The following KDM5A variants were observed in gnomAD, a reference collection of about 807,000 sequenced individuals.
The protein encoded by KDM5A is lysine-specific demethylase 5A.
Under a neutral mutation model 193.5 loss-of-function variants are expected in KDM5A, and 42 were observed. The ratio of observed to expected loss-of-function variants is 0.22; its 90% CI spans 0.17 to 0.28. The LOEUF (loss-of-function observed/expected upper bound fraction) is 0.28. Ranked by LOEUF, KDM5A falls within the 10% of genes least tolerant of loss-of-function variation. The pLI is 1.00. For missense variants in KDM5A, 1,692 were observed against 2,055.1 expected (o/e 0.82, Z 3.42); for synonymous variants, 796 against 718.1 (o/e 1.11, Z -1.73).
intron 10 of KDM5A, among the ~76,000 whole-genome samples, chr12:336,305 G>C (rs371782217): frequency 6.7e-6 from 1 of 148,430 alleles, no homozygotes; most frequent in African/African-American, 2.5e-5. Flanking sequence ...GCTGTGAGCC[G>C]AGATCATGCC....
In KDM5A at chr12:313,204, C is replaced by T. The variant is rs1943611252; in HGVS notation, c.2898-10G>A. 1 of 1,613,836 alleles carries T rather than the reference C, an allele frequency of 6.2e-7. No individual in the cohort carries two copies. The highest frequency in any genetic ancestry group is 8.5e-7 in the Non-Finnish European group (1 of 1,179,794). On this transcript the variant is annotated splice_polypyrimidine_tract_variant and intron_variant, in intron 19 of 27. Coordinates refer to ENST00000399788, the MANE Select transcript of KDM5A (RefSeq NM_001042603.3). ...CACACTGTGCCTCGGTCTAAAAGAA[C>T]AATAAAAACAGAGTAGGATGCATGA...
intron 19 of KDM5A, among the ~76,000 whole-genome samples, chr12:315,136 G>C (rs1943635546): frequency 6.6e-6 from 1 of 152,188 alleles, no homozygotes. Flanking sequence ...AGTGGAATGA[G>C]AGAAAAAGAA....
At chr12:310,588 T>G (rs779892868) in intron 21 of KDM5A, among the ~76,000 whole-genome samples, 1 of 152,100 alleles carries the variant, frequency 6.6e-6, no homozygotes, top group African/African-American at 2.4e-5. Context: ...GGGCCGAGAC[T>G]GCACCACTGC....
intron 10 of KDM5A, among the ~76,000 whole-genome samples, chr12:334,902 A>G (rs1309990573): frequency 1.3e-5 from 2 of 152,180 alleles, no homozygotes; most frequent in East Asian, 1.9e-4. Context: ...CCTAACCATT[A>G]TACAAACACA....
chr12:282,595 G>A lies in KDM5A; in HGVS notation c.*2861C>T, dbSNP rs1943169087. Reference sequence around the variant, plus strand: ...CTGTATTTGTACTTTTAAACTTGGGGATCTGCATAGTTCTAATGACTTAGC... The same window carrying A: ...CTGTATTTGTACTTTTAAACTTGGGAATCTGCATAGTTCTAATGACTTAGC... On this transcript the variant is annotated 3_prime_UTR_variant, in exon 28 of 28. Coordinates refer to ENST00000399788, the MANE Select transcript of KDM5A (RefSeq NM_001042603.3). 1 of 232,992 alleles carries A rather than the reference G, an allele frequency of 4.3e-6. No homozygotes were observed. Among genetic ancestry groups the A allele is most frequent in the Non-Finnish European group, 8.5e-6 (1 of 117,956 alleles). 14.4% of individuals were successfully genotyped at this position (232,992 alleles called of 1,614,324 possible). A position where few individuals can be genotyped will look rare whatever the true frequency, so the allele number is the denominator to read the frequency against.
chr12:290,118 G>T (rs1943275340), intron 27 of KDM5A, among the ~76,000 whole-genome samples: 1 of 151,944 alleles, frequency 6.6e-6, no homozygotes, highest in Non-Finnish European at 1.5e-5. Flanking sequence ...ACTGCAGCTG[G>T]CAAAGGCATT....
At position 388,983 on chromosome 12, in the gene KDM5A, C is replaced by T; in HGVS notation, c.109G>A (p.Gly37Ser). ...TTCTCCGCCAAAGGCCGGATGCGGC[C>T]GATAAAGCTGAGCGGATCTGTGAAC... The part of the protein sequence containing the change: ...EEFTDPLSFI[G>S]RIRPLAEKTG... The change falls in exon 1 of 28, where the codon GGC (glycine) becomes AGC (serine). Residue 37 changes from glycine (G) to serine (S), a missense_variant. Physicochemically the swap from Gly to Ser is moderately conservative, Grantham distance 56. Around this residue, in one of 11 missense-constraint regions of KDM5A, gnomAD observed 84 missense variants for 68.2 expected, o/e 1.23. Coordinates refer to ENST00000399788, the MANE Select transcript of KDM5A (RefSeq NM_001042603.3). The T allele has an allele frequency of 6.2e-7, 1 of 1,614,142 alleles. No individual in the cohort carries two copies. Among genetic ancestry groups the T allele is most frequent in the Non-Finnish European group, 8.5e-7 (1 of 1,180,034 alleles).
intron 17 of KDM5A, among the ~76,000 whole-genome samples, chr12:321,616 A>T (rs1014376317): frequency 1.3e-5 from 2 of 152,242 alleles, no homozygotes; most frequent in Non-Finnish European, 2.9e-5. Context: ...GGTAAATAAA[A>T]AATTTACAAA....
intron 27 of KDM5A, among the ~76,000 whole-genome samples, chr12:287,715 A>G (rs1037064262): frequency 7.2e-5 from 11 of 152,128 alleles, no homozygotes; most frequent in Admixed American, 3.3e-4. Context: ...GTACCTGTGA[A>G]CCAACAGTTA....
At chr12:382,983 GGTCA>G (rs1343055968) in intron 3 of KDM5A, among the ~76,000 whole-genome samples, 1 of 151,822 alleles carries the variant, frequency 6.6e-6, no homozygotes, top group Non-Finnish European at 1.5e-5. Flanking sequence ...TCAGCTTGCA[GGTCA>G]GTTAGTTTTT....
chr12:300,399 AC>A (rs1347511805), intron 24 of KDM5A, among the ~76,000 whole-genome samples: 2 of 152,224 alleles, frequency 1.3e-5, no homozygotes, highest in African/African-American at 4.8e-5. Context: ...CCACACAACT[AC>A]ACGGAAACTT....
chr12:387,984 AAACCTCAACTTACATG>A (rs1489806201), intron 1 of KDM5A, among the ~76,000 whole-genome samples: 1 of 68,796 alleles, frequency 1.5e-5, no homozygotes, highest in African/African-American at 6.1e-5. Flanking sequence ...AATGGTTCGA[AAACCTCAACTTACATG>A]AGAATCATCT....
At chr12:383,615 T>C (rs1944602978) in intron 3 of KDM5A, among the ~76,000 whole-genome samples, 1 of 152,182 alleles carries the variant, frequency 6.6e-6, no homozygotes, top group Non-Finnish European at 1.5e-5. Flanking sequence ...AGTAATTTAT[T>C]TTGCATATTG....
intron 25 of KDM5A, among the ~76,000 whole-genome samples, 197 bp downstream of exon 25, chr12:296,844 G>C (rs909700259): frequency 6.6e-6 from 1 of 152,206 alleles, no homozygotes; most frequent in Non-Finnish European, 1.5e-5. Context: ...CTCTATGTAA[G>C]TTTTCAGGTT....
chr12:341,933 G>GA (rs3216509), intron 10 of KDM5A, among the ~76,000 whole-genome samples: 20 of 150,116 alleles, frequency 1.3e-4, no homozygotes, highest in Non-Finnish European at 5.9e-5. Context: ...GAAATGGGGG[G>GA]AAAAAAAGAC....
At chr12:321,577 T>C (rs1428212558) in intron 17 of KDM5A, among the ~76,000 whole-genome samples, 2 of 152,224 alleles carry the variant, frequency 1.3e-5, no homozygotes, top group Admixed American at 1.3e-4. Flanking sequence ...TGCTGATCAA[T>C]GTCTCTAAGA....
At chr12:373,358 A>C (rs532560212) in intron 3 of KDM5A, among the ~76,000 whole-genome samples, 26 of 152,248 alleles carry the variant, frequency 1.7e-4, no homozygotes, top group Non-Finnish European at 2.8e-4. Flanking sequence ...CATTTCTTCT[A>C]GATTTTCTAG....
At chr12:292,186 G>T (rs1043353514) in intron 27 of KDM5A, among the ~76,000 whole-genome samples, 1 of 152,170 alleles carries the variant, frequency 6.6e-6, no homozygotes, top group Non-Finnish European at 1.5e-5. Flanking sequence ...TTACAGGCGT[G>T]AGCCACACCT....
intron 10 of KDM5A, among the ~76,000 whole-genome samples, chr12:346,722 A>G (rs1944081684): frequency 6.6e-6 from 1 of 152,238 alleles, no homozygotes; most frequent in African/African-American, 2.4e-5. Context: ...AACAACCTTC[A>G]TGCTAAAAAC....
Sources: allele counts gnomAD v4.1 joint callset (sites outside exome capture counted in the v4.1 genomes callset), GRCh38; gene constraint gnomAD v4.1.1; regional missense constraint gnomAD v4.1.1; transcripts MANE v1.5; gene names NCBI Gene and HGNC (gene_info 2026-07-23, HGNC 2026-07-21).